The following ZNF443 variants were observed in gnomAD, a reference collection of about 807,000 sequenced individuals.
ZNF443 encodes the protein zinc finger protein 443, also known as Kruppel-type zinc finger (C2H2).
In ZNF443, 3 loss-of-function variants were observed where a neutral mutation model predicts 12.0. The observed-to-expected ratio is 0.25, with a 90% CI of 0.11 to 0.64. The LOEUF (loss-of-function observed/expected upper bound fraction) is 0.64. Among genes scored for constraint, ZNF443 ranks in the 30% least tolerant of loss-of-function variants. The probability of loss-of-function intolerance (pLI) is 0.84; values close to 1 mark genes in which losing one functional copy is unlikely to be tolerated. For missense variants in ZNF443, 770 were observed against 808.8 expected (o/e 0.95, Z 0.58); for synonymous variants, 225 against 265.9 (o/e 0.85, Z 1.50).
At chr19:12,433,565 G>A (rs1306896660) in intron 1 of ZNF443, among the ~76,000 whole-genome samples, 3 of 152,120 alleles carry the variant, frequency 2.0e-5, no homozygotes, top group South Asian at 4.1e-4. Flanking sequence ...CTGAGACTGC[G>A]TGTCCTTACA....
chr19:12,440,465 C>G (rs1413973233), intron 1 of ZNF443, among the ~76,000 whole-genome samples: 1 of 152,202 alleles, frequency 6.6e-6, no homozygotes, highest in Admixed American at 6.5e-5. Flanking sequence ...GGATTCACCC[C>G]TCACTTCCCC....
chr19:12,430,581 G>T lies in ZNF443; in HGVS notation c.1591C>A (p.Pro531Thr), dbSNP rs373998457. ...TTCCTACATGTTTTACACTCATAAGGTTTCTCTCCTGTGTGAGTCCTTTTA... is the reference window on the plus strand; with the variant it reads ...TTCCTACATGTTTTACACTCATAAGTTTTCTCTCCTGTGTGAGTCCTTTTA... Reference protein sequence around the residue: ...RHKRTHTGEKPYECKTCRKAF... With the variant: ...RHKRTHTGEKTYECKTCRKAF... Residue 531 changes from proline to threonine, a missense_variant, in exon 4 of 4, where the codon CCT (proline) becomes ACT (threonine). By Grantham distance (38) the Pro-to-Thr change is conservative. Transcript: ENST00000301547. 8.7e-6 allele frequency: 14 copies of T among 1,613,656 alleles called. No homozygotes were observed. The African/African-American group carries it at 1.9e-4, about 22-fold the overall frequency.
rs763374594 is a variant in ZNF443 at position 12,430,552 on chromosome 19, G to T, written c.1620C>A (p.Ala540=). Residue 540 remains alanine (A), a synonymous_variant, in exon 4 of 4, where the codon GCC becomes GCA. Coordinates refer to ENST00000301547, the MANE Select transcript of ZNF443 (RefSeq NM_005815.5). ...CCTTTAAGTTATCATAATGACCGAA[G>T]GCTTTCCTACATGTTTTACACTCAT... ...KPYECKTCRK[A]FGHYDNLKVH... is the part of the protein sequence containing the mutation. The T allele has an allele frequency of 6.2e-7, 1 of 1,614,004 alleles. No homozygotes were observed.
chr19:12,437,098 A>G (rs909361052), intron 1 of ZNF443, among the ~76,000 whole-genome samples: 25 of 152,072 alleles, frequency 1.6e-4, no homozygotes, highest in African/African-American at 6.0e-4. Context: ...ATAAAATGTT[A>G]AGAAACAACA....
chr19:12,429,964 G>T lies in ZNF443; in HGVS notation c.*192C>A. ...CATTTTATAAAAGGGACTGGACATGGCTCACGGAGTGCTGGAACCAATACC... is the reference window on the plus strand; with the variant it reads ...CATTTTATAAAAGGGACTGGACATGTCTCACGGAGTGCTGGAACCAATACC... On this transcript the variant is annotated 3_prime_UTR_variant, in exon 4 of 4. Transcript: ENST00000301547. 2.5e-6 allele frequency: 2 copies of T among 798,964 alleles called. No individual in the cohort carries two copies. Among genetic ancestry groups the T allele is most frequent in the Non-Finnish European group, 3.9e-6 (2 of 509,568 alleles). The allele number at this position is 798,964 out of a possible 1,614,324, so 49.5% of individuals were successfully genotyped here.
At chr19:12,433,435 A>C (rs934475768) in intron 1 of ZNF443, among the ~76,000 whole-genome samples, 4 of 150,296 alleles carry the variant, frequency 2.7e-5, no homozygotes, top group Admixed American at 1.3e-4. Flanking sequence ...TTGGCGAACT[A>C]AGTGAGTGAA....
At chr19:12,434,011 G>C (rs1970284131) in intron 1 of ZNF443, among the ~76,000 whole-genome samples, 1 of 152,180 alleles carries the variant, frequency 6.6e-6, no homozygotes, top group Admixed American at 6.5e-5. Flanking sequence ...CCCTCACCAT[G>C]TGATACTCTA....
Position 12,430,674 on chromosome 19 carries a change from C to T in ZNF443, c.1498G>A (p.Gly500Arg). The T allele has an allele frequency of 1.2e-6, 2 of 1,614,104 alleles. No individual in the cohort carries two copies. ...TCCTTACACTCATATGGCTTCTCTC[C>T]AGTGTGAGTTGTTTTGTGATTTTGA... Reference protein sequence around the residue: ...SFQNHKTTHTGEKPYECKECG... With the variant: ...SFQNHKTTHTREKPYECKECG... The change falls in exon 4 of 4, where the codon GGA (glycine) becomes AGA (arginine). Residue 500 changes from glycine (G) to arginine (R), a missense_variant. Coordinates refer to ENST00000301547, the MANE Select transcript of ZNF443 (RefSeq NM_005815.5).
At chr19:12,440,432 C>A (rs1276109262) in intron 1 of ZNF443, among the ~76,000 whole-genome samples, 1 of 152,154 alleles carries the variant, frequency 6.6e-6, no homozygotes, top group African/African-American at 2.4e-5. Context: ...CAGCAGAATG[C>A]GGTTTCTTCA....
At chr19:12,432,074 T>C (rs1022488410) in intron 3 of ZNF443, 94 bp from the exon 4 acceptor site, 2 of 1,050,924 alleles carry the variant, frequency 1.9e-6, no homozygotes, top group Admixed American at 3.0e-5. Context: ...AACACTATCA[T>C]GCGAAGTGCA....
intron 1 of ZNF443, among the ~76,000 whole-genome samples, chr19:12,434,900 T>C (rs1467006318): frequency 6.6e-6 from 1 of 151,606 alleles, no homozygotes; most frequent in East Asian, 1.9e-4. Context: ...ATTATTGCCT[T>C]GCATTTTCCA....
rs1970229018 is a variant in ZNF443 at position 12,429,730 on chromosome 19, A to G, written c.*426T>C. 9.9e-6 allele frequency: 2 copies of G among 201,694 alleles called. No homozygotes were observed. The highest frequency in any genetic ancestry group is 1.9e-4 in the South Asian group (2 of 10,354). The allele number at this position is 201,694 out of a possible 1,614,324, so 12.5% of individuals were successfully genotyped here. On this transcript the variant is annotated 3_prime_UTR_variant, in exon 4 of 4. Coordinates refer to ENST00000301547, the MANE Select transcript of ZNF443 (RefSeq NM_005815.5). ...GTGAGAGTTGAAACAAAGAAACTTTAATGTTCTGGCTGACTACACTATGTT... is the reference window on the plus strand; with the variant it reads ...GTGAGAGTTGAAACAAAGAAACTTTGATGTTCTGGCTGACTACACTATGTT...
At position 12,431,231 on chromosome 19, in the gene ZNF443, C is replaced by T; in HGVS notation, c.941G>A (p.Cys314Tyr). 3 of 1,614,078 alleles carry T rather than the reference C, an allele frequency of 1.9e-6. No individual in the cohort carries two copies. Among genetic ancestry groups the T allele is most frequent in the Non-Finnish European group, 2.5e-6 (3 of 1,179,966 alleles). ...TGEKPYTCKQ[C>Y]GKAFSVSGSL... is the part of the protein sequence containing the mutation. ...ACCGGAAACACTGAAGGCTTTCCCA[C>T]ATTGTTTACATGTATAGGGTTTCTC... is the stretch of plus-strand genomic sequence containing the variant. The change falls in exon 4 of 4, where the codon TGT becomes TAT. Residue 314 changes from cysteine (C) to tyrosine (Y), a missense_variant. By Grantham distance (194) the Cys-to-Tyr change is radical (BLOSUM62 -2). This residue lies in a region of ZNF443 where 736 missense variants were observed against 689.4 expected (regional missense o/e 1.07). Coordinates refer to ENST00000301547, the MANE Select transcript of ZNF443 (RefSeq NM_005815.5).
At position 12,431,341 on chromosome 19, in the gene ZNF443, C is replaced by T. The variant is rs1472843730; in HGVS notation, c.831G>A (p.Gly277=). 1.2e-6 allele frequency: 2 copies of T among 1,613,278 alleles called. No homozygotes were observed. The highest frequency in any genetic ancestry group is 1.3e-5 in the African/African-American group (1 of 74,664). The change falls in exon 4 of 4, where the codon GGG becomes GGA. Residue 277 remains glycine (G), a synonymous_variant. Transcript: ENST00000301547. ...ACTGCTTACATTTATATGGTTTCTC[C>T]CCAGTATGTGTTCTTTCATGTCTTA... The part of the protein sequence containing the change: ...SYLRHERTHT[G]EKPYKCKQCS...
chr19:12,432,761 CTTT>C (rs981304273), intron 2 of ZNF443, among the ~76,000 whole-genome samples: 2 of 147,626 alleles, frequency 1.4e-5, no homozygotes, highest in African/African-American at 5.1e-5. Flanking sequence ...TTATGATTAT[CTTT>C]TTAACACTTT....
In ZNF443 at chr19:12,430,018, G is replaced by C. The variant is rs1970232072; in HGVS notation, c.*138C>G. 1 of 1,504,502 alleles carries C rather than the reference G, an allele frequency of 6.6e-7. No individual in the cohort carries two copies. Among genetic ancestry groups the C allele is most frequent in the Admixed American group, 2.1e-5 (1 of 48,332 alleles). 93.2% of individuals were successfully genotyped at this position (1,504,502 alleles called of 1,614,324 possible). On this transcript the variant is annotated 3_prime_UTR_variant, in exon 4 of 4. Coordinates refer to ENST00000301547, the MANE Select transcript of ZNF443 (RefSeq NM_005815.5). ...CAGGTATCAAGGGATGACTGTACTG[G>C]AAAGAAACTGAAACTACTTAAGGCT...
At chr19:12,435,953 A>G (rs370971129) in intron 1 of ZNF443, among the ~76,000 whole-genome samples, 2 of 151,720 alleles carry the variant, frequency 1.3e-5, no homozygotes, top group Admixed American at 6.5e-5. Flanking sequence ...ACATTCCGAT[A>G]TCTACTTTTC....
In ZNF443 at chr19:12,430,900, CT is replaced by C; in HGVS notation, c.1271del (p.Lys424ArgfsTer124). On this transcript the variant is annotated frameshift_variant, in exon 4 of 4. Coordinates refer to ENST00000301547, the MANE Select transcript of ZNF443 (RefSeq NM_005815.5). LOFTEE classifies it low-confidence loss of function (END_TRUNC). ...GATAAACAAAGGCTTTCCCACATACCTTGCATTTATGAGGTCCATCTCCAGT... is the reference window on the plus strand; with the variant it reads ...GATAAACAAAGGCTTTCCCACATACCTGCATTTATGAGGTCCATCTCCAGT... ...MHTGDGPHKC[K>X]VCGKAFVYPS... 6.2e-7 allele frequency: 1 copy of C among 1,613,770 alleles called. No homozygotes were observed. Among genetic ancestry groups the C allele is most frequent in the Non-Finnish European group, 8.5e-7 (1 of 1,179,918 alleles).
intron 1 of ZNF443, among the ~76,000 whole-genome samples, chr19:12,439,445 G>C (rs1970343995): frequency 6.6e-6 from 1 of 152,242 alleles, no homozygotes; most frequent in Non-Finnish European, 1.5e-5. Flanking sequence ...GAGTGACCCA[G>C]GGGATGATAT....
Sources: allele counts gnomAD v4.1 joint callset (sites outside exome capture counted in the v4.1 genomes callset), GRCh38; gene constraint gnomAD v4.1.1; regional missense constraint gnomAD v4.1.1; transcripts MANE v1.5; gene names NCBI Gene and HGNC (gene_info 2026-07-23, HGNC 2026-07-21).